CEP112: variants seen among roughly 807,000 people sequenced by gnomAD.
CEP112 encodes centrosomal protein 112.
CEP112 carries 127 observed loss-of-function variants against 153.0 expected under a neutral mutation model. That is an observed-to-expected ratio of 0.83 (90% CI 0.72 to 0.96). The LOEUF is 0.96. Ranked by LOEUF, CEP112 falls within the 40% of genes least tolerant of loss-of-function variation. The probability of loss-of-function intolerance (pLI) is 0.00; values close to 1 mark genes in which losing one functional copy is unlikely to be tolerated. For missense variants in CEP112, 1,089 were observed against 1,101.2 expected (o/e 0.99, Z 0.16); for synonymous variants, 358 against 374.4 (o/e 0.96, Z 0.51).
chr17:65,905,411 A>C (rs1052385161), intron 19 of CEP112, among the ~76,000 whole-genome samples: 5 of 152,232 alleles, frequency 3.3e-5, no homozygotes, highest in Non-Finnish European at 7.3e-5. Context: ...ATAACATCTC[A>C]TGCCAGTTAG....
intron 24 of CEP112, among the ~76,000 whole-genome samples, chr17:65,646,175 C>T (rs1035431353): frequency 6.6e-6 from 1 of 152,184 alleles, no homozygotes; most frequent in African/African-American, 2.4e-5. Flanking sequence ...GCTCTTTGAT[C>T]GCCATTATTC....
At chr17:65,820,992 A>G (rs994495850) in intron 21 of CEP112, among the ~76,000 whole-genome samples, 3 of 152,070 alleles carry the variant, frequency 2.0e-5, no homozygotes, top group African/African-American at 7.2e-5. Context: ...ACAAATGTCC[A>G]TTTTCTTTGC....
chr17:65,777,560 T>C (rs898624381), intron 21 of CEP112, among the ~76,000 whole-genome samples: 12 of 152,068 alleles, frequency 7.9e-5, no homozygotes, highest in African/African-American at 2.9e-4. Flanking sequence ...ACCCACACCC[T>C]ACACACCAAG....
intron 23 of CEP112, among the ~76,000 whole-genome samples, chr17:65,692,316 C>A (rs1410147513): frequency 1.3e-5 from 2 of 151,292 alleles, no homozygotes; most frequent in African/African-American, 2.4e-5. Context: ...GCGACCTCCA[C>A]CTCCCGGGTT....
At chr17:65,766,786 C>CA (rs1289427961) in intron 21 of CEP112, among the ~76,000 whole-genome samples, 12 of 149,200 alleles carry the variant, frequency 8.0e-5, no homozygotes, top group Admixed American at 4.7e-4. Flanking sequence ...TCATAAGAGA[C>CA]AAAAAAGTCA....
intron 21 of CEP112, among the ~76,000 whole-genome samples, chr17:65,798,338 G>A (rs953867335): frequency 9.9e-5 from 15 of 152,058 alleles, no homozygotes; most frequent in African/African-American, 3.4e-4. Flanking sequence ...ATCTGAATTA[G>A]TGTATACTGG....
chr17:66,182,869 G>A (rs1179404425), intron 2 of CEP112, among the ~76,000 whole-genome samples: 1 of 151,986 alleles, frequency 6.6e-6, no homozygotes, highest in East Asian at 1.9e-4. Flanking sequence ...ATAGAAAGAA[G>A]AAAAATTTGC....
intron 23 of CEP112, among the ~76,000 whole-genome samples, chr17:65,711,476 T>C (rs954645955): frequency 6.6e-5 from 10 of 152,186 alleles, no homozygotes; most frequent in African/African-American, 2.4e-4. Context: ...TAGATGTTAG[T>C]TGCTATTTTA....
rs1402717667 is a variant in CEP112, at chr17:66,123,970, C to T, written c.642+5776G>A. On this transcript the variant is annotated intron_variant, in intron 6 of 26. Coordinates refer to ENST00000535342, the MANE Select transcript of CEP112 (RefSeq NM_001199165.4). ...TTCATTTGTCTCAGTGGACAGTCAA[C>T]TGCATTCAGATCAGTCTGCGAATTC... 2.0e-5 allele frequency among the ~76,000 whole-genome samples: 3 copies of T among 152,304 alleles called. No individual in the cohort carries two copies. In the East Asian group the frequency reaches 5.8e-4, roughly 29 times the overall value.
intron 18 of CEP112, among the ~76,000 whole-genome samples, chr17:65,949,619 T>C (rs1001722060): frequency 5.3e-5 from 8 of 152,150 alleles, no homozygotes; most frequent in Non-Finnish European, 1.2e-4. Flanking sequence ...CATGAACTCT[T>C]AGATAAAGAA....
chr17:65,965,313 A>G (rs536406317), intron 17 of CEP112, among the ~76,000 whole-genome samples: 1 of 152,310 alleles, frequency 6.6e-6, no homozygotes, highest in East Asian at 1.9e-4. Context: ...CCTGATTTAC[A>G]AATAGCAAAT....
chr17:66,117,036 T>G (rs1168759386), intron 6 of CEP112, among the ~76,000 whole-genome samples: 1 of 152,034 alleles, frequency 6.6e-6, no homozygotes, highest in Non-Finnish European at 1.5e-5. Context: ...CTAGCTAATT[T>G]TTGTATTTTT....
intron 21 of CEP112, among the ~76,000 whole-genome samples, chr17:65,832,550 A>G (rs1373283308): frequency 6.6e-6 from 1 of 152,162 alleles, no homozygotes; most frequent in African/African-American, 2.4e-5. Flanking sequence ...AAATAAAAAT[A>G]ACCATCAGAA....
At chr17:66,149,719 A>G (rs2071083300) in intron 4 of CEP112, among the ~76,000 whole-genome samples, 2 of 151,760 alleles carry the variant, frequency 1.3e-5, no homozygotes, top group South Asian at 4.2e-4. Flanking sequence ...ATGTAGTTAA[A>G]AGTTTGCTCA....
intron 21 of CEP112, among the ~76,000 whole-genome samples, chr17:65,841,890 G>C (rs1014809812): frequency 7.3e-6 from 1 of 136,648 alleles, no homozygotes; most frequent in East Asian, 2.0e-4. Context: ...CCTAAACTGT[G>C]TGTGTGTGTA....
chr17:65,968,078 A>G (rs2062479975), intron 17 of CEP112, among the ~76,000 whole-genome samples: 1 of 152,172 alleles, frequency 6.6e-6, no homozygotes, highest in African/African-American at 2.4e-5. Context: ...ATTTCATTAC[A>G]GATGTAGTAT....
chr17:65,916,250 A>AGTGTGTGT (rs3222034), intron 19 of CEP112, among the ~76,000 whole-genome samples: 4,982 of 129,814 alleles, frequency 0.038, 151 homozygotes, highest in East Asian at 0.11. Context: ...TTTGAAAAAG[A>AGTGTGTGT]GTGTGTGTGT....
At chr17:66,098,617 A>G (rs1334114918) in intron 6 of CEP112, among the ~76,000 whole-genome samples, 2 of 152,258 alleles carry the variant, frequency 1.3e-5, no homozygotes, top group Non-Finnish European at 2.9e-5. Flanking sequence ...GATATAAAGT[A>G]TAATTATTTT....
intron 18 of CEP112, among the ~76,000 whole-genome samples, chr17:65,936,782 C>T (rs1015944400): frequency 6.3e-5 from 8 of 127,474 alleles, no homozygotes; most frequent in Non-Finnish European, 1.2e-4. Flanking sequence ...AAAAAAGTCT[C>T]TCCGTCTACC....
Sources: gnomAD v4.1 joint callset for allele counts (sites outside exome capture counted in the v4.1 genomes callset) on GRCh38, gnomAD v4.1.1 for gene constraint, MANE v1.5 for transcripts, NCBI Gene and HGNC (gene_info 2026-07-23, HGNC 2026-07-21) for gene names.